The following DCC variants were observed in gnomAD, a reference collection of about 807,000 sequenced individuals.
DCC encodes netrin receptor DCC.
DCC carries 58 observed loss-of-function variants against 172.5 expected under a neutral mutation model. That is an observed-to-expected ratio of 0.34 (90% CI 0.27 to 0.42). DCC has a LOEUF of 0.42. DCC is among the 10% of genes least tolerant of loss of function. The pLI is 1.00. For synonymous variants in DCC, 709 were observed against 644.5 expected (o/e 1.10, Z -1.52); for missense variants, 1,740 against 1,791.0 (o/e 0.97, Z 0.51).
intron 1 of DCC, among the ~76,000 whole-genome samples, chr18:52,447,300 A>T (rs1486098895): frequency 3.3e-5 from 5 of 152,226 alleles, no homozygotes; most frequent in African/African-American, 1.2e-4. Context: ...TGAGGGATCA[A>T]AGAGGTGTAA....
intron 7 of DCC, among the ~76,000 whole-genome samples, chr18:53,075,072 T>C (rs1176155899): frequency 6.7e-6 from 1 of 149,466 alleles, no homozygotes; most frequent in Non-Finnish European, 1.5e-5. Context: ...GATAAAATGA[T>C]AGCTTTCTTC....
intron 5 of DCC, among the ~76,000 whole-genome samples, chr18:53,047,292 T>TA (rs2042258436): frequency 5.0e-5 from 1 of 20,154 alleles, no homozygotes; most frequent in Non-Finnish European, 1.2e-4. Flanking sequence ...ATATATAATT[T>TA]TATATATATA....
chr18:52,776,488 G>A (rs2037435309), intron 2 of DCC, among the ~76,000 whole-genome samples: 1 of 152,136 alleles, frequency 6.6e-6, no homozygotes, highest in Admixed American at 6.5e-5. Flanking sequence ...TAGGTCAAGA[G>A]TTCTAGAGTA....
At chr18:52,823,443 C>A (rs1183043140) in intron 2 of DCC, among the ~76,000 whole-genome samples, 4 of 152,096 alleles carry the variant, frequency 2.6e-5, no homozygotes, top group African/African-American at 4.8e-5. Flanking sequence ...ATAGTGTGAT[C>A]TATGATAAAT....
At chr18:53,524,389 A>G (rs1004216729) in intron 27 of DCC, among the ~76,000 whole-genome samples, 2 of 152,056 alleles carry the variant, frequency 1.3e-5, no homozygotes, top group Admixed American at 6.6e-5. Flanking sequence ...TCAAATTCAT[A>G]TGGCAATTTT....
At chr18:52,927,674 C>A (rs1187625953) in intron 5 of DCC, among the ~76,000 whole-genome samples, 1 of 151,938 alleles carries the variant, frequency 6.6e-6, no homozygotes, top group Non-Finnish European at 1.5e-5. Context: ...CATTACTAAT[C>A]ATTAGAGAAA....
intron 1 of DCC, among the ~76,000 whole-genome samples, chr18:52,406,685 T>A (rs1884015478): frequency 6.6e-6 from 1 of 152,100 alleles, no homozygotes; most frequent in South Asian, 2.1e-4. Context: ...TTACAACTTG[T>A]ATGTTTGTAA....
chr18:53,368,875 C>T (rs544317923), intron 15 of DCC, among the ~76,000 whole-genome samples: 12 of 151,936 alleles, frequency 7.9e-5, no homozygotes, highest in Middle Eastern at 3.4e-3. Flanking sequence ...AAAAAGTATG[C>T]GTCTTCCCCT....
chr18:52,654,072 C>A (rs1214389614), intron 1 of DCC, among the ~76,000 whole-genome samples: 1 of 152,240 alleles, frequency 6.6e-6, no homozygotes, highest in East Asian at 1.9e-4. Flanking sequence ...AAGGGAACAC[C>A]CTTATTTGGA....
chr18:52,415,438 G>T (rs535984610), intron 1 of DCC, among the ~76,000 whole-genome samples: 1 of 152,280 alleles, frequency 6.6e-6, no homozygotes, highest in Admixed American at 6.5e-5. Context: ...CACAATTATG[G>T]ACTAACGGTG....
intron 15 of DCC, among the ~76,000 whole-genome samples, chr18:53,371,529 C>T (rs1189870663): frequency 6.6e-6 from 1 of 151,748 alleles, no homozygotes; most frequent in Non-Finnish European, 1.5e-5. Context: ...CACAGCTACC[C>T]TAGGATGATG....
chr18:53,403,023 T>G (rs1272063828), intron 19 of DCC, 130 bp downstream of exon 19: 3 of 731,640 alleles, frequency 4.1e-6, no homozygotes, highest in Non-Finnish European at 7.5e-6. Flanking sequence ...TCCATGACCC[T>G]TTTTGATTGT....
At chr18:52,603,216 A>G (rs1240628021) in intron 1 of DCC, among the ~76,000 whole-genome samples, 1 of 152,090 alleles carries the variant, frequency 6.6e-6, no homozygotes, top group Admixed American at 6.6e-5. Context: ...ACCAAGACAT[A>G]CTAAAATTTG....
intron 1 of DCC, among the ~76,000 whole-genome samples, chr18:52,456,748 C>G (rs1487156024): frequency 6.6e-6 from 1 of 152,080 alleles, no homozygotes. Flanking sequence ...TAGACCCTAA[C>G]TGAAGAGATA....
chr18:52,417,824 C>G (rs889415340), intron 1 of DCC, among the ~76,000 whole-genome samples: 18 of 152,204 alleles, frequency 1.2e-4, no homozygotes, highest in Admixed American at 6.5e-5. Context: ...TGAATTTCCT[C>G]CTGTAGCTCG....
At chr18:52,799,461 G>A (rs1228381243) in intron 2 of DCC, among the ~76,000 whole-genome samples, 1 of 152,206 alleles carries the variant, frequency 6.6e-6, no homozygotes, top group Non-Finnish European at 1.5e-5. Context: ...GGGAAGATCT[G>A]TGACTTGCTT....
At chr18:53,483,436 C>T (rs918556873) in intron 25 of DCC, among the ~76,000 whole-genome samples, 1 of 151,790 alleles carries the variant, frequency 6.6e-6, no homozygotes, top group Admixed American at 6.6e-5. Context: ...TCTGATGTAA[C>T]ATGCTTTTAA....
intron 19 of DCC, 64 bp from the exon 20 acceptor site, chr18:53,410,388 T>C: frequency 1.1e-6 from 1 of 951,916 alleles, no homozygotes; most frequent in Non-Finnish European, 1.7e-6. Context: ...GAAACCTGGG[T>C]GTTTGGAAGC....
chr18:52,823,016 C>G (rs182780082), intron 2 of DCC, among the ~76,000 whole-genome samples: 54 of 152,152 alleles, frequency 3.5e-4, no homozygotes, highest in Non-Finnish European at 6.5e-4. Context: ...GTCTGTGTCC[C>G]ATGAAAACAT....
Sources: gnomAD v4.1 joint callset for allele counts (sites outside exome capture counted in the v4.1 genomes callset) on GRCh38, gnomAD v4.1.1 for gene constraint, MANE v1.5 for transcripts, NCBI Gene and HGNC (gene_info 2026-07-23, HGNC 2026-07-21) for gene names.